PPP1R12B: variants seen among roughly 807,000 people sequenced by gnomAD.
PPP1R12B encodes the protein protein phosphatase 1 regulatory subunit 12B, also known as myosin phosphatase target subunit 2.
A neutral mutation model predicts 126.1 loss-of-function variants in PPP1R12B; 76 were observed. The observed-to-expected ratio is 0.60, with a 90% confidence interval of 0.50 to 0.73. PPP1R12B has a LOEUF of 0.73. Among genes scored for constraint, PPP1R12B ranks in the 30% least tolerant of loss-of-function variants. The probability of loss-of-function intolerance (pLI) is 0.00; values close to 1 mark genes in which losing one functional copy is unlikely to be tolerated. For missense variants in PPP1R12B, 1,052 were observed against 1,205.1 expected (o/e 0.87, Z 1.88); for synonymous variants, 356 against 434.7 (o/e 0.82, Z 2.25).
At chr1:202,468,675 T>C (rs1373754343) in intron 13 of PPP1R12B, among the ~76,000 whole-genome samples, 1 of 152,192 alleles carries the variant, frequency 6.6e-6, no homozygotes, top group East Asian at 1.9e-4. Flanking sequence ...AAGTGGTGGC[T>C]GGGCACGGTG....
chr1:202,387,876 GA>G (rs1228774498), intron 1 of PPP1R12B, among the ~76,000 whole-genome samples: 2 of 152,094 alleles, frequency 1.3e-5, no homozygotes, highest in African/African-American at 4.8e-5. Flanking sequence ...GCAAGTCTTT[GA>G]ATTGCCCTGT....
At chr1:202,528,066 GT>G (rs1683538175) in intron 18 of PPP1R12B, among the ~76,000 whole-genome samples, 1 of 152,128 alleles carries the variant, frequency 6.6e-6, no homozygotes, top group African/African-American at 2.4e-5. Context: ...GTAATGATGG[GT>G]TTTGGACACT....
intron 18 of PPP1R12B, chr1:202,502,270 C>T (rs1680315584): frequency 1.2e-5 from 12 of 983,894 alleles, no homozygotes; most frequent in Non-Finnish European, 1.4e-5. Flanking sequence ...CCTTAGATAA[C>T]TGGGGGTATG....
intron 13 of PPP1R12B, among the ~76,000 whole-genome samples, chr1:202,454,082 A>C (rs574376707): frequency 4.3e-4 from 65 of 152,336 alleles, no homozygotes; most frequent in African/African-American, 1.5e-3. Flanking sequence ...AGTTAAATTC[A>C]TCATTAAGAG....
At position 202,449,058 on chromosome 1, in the gene PPP1R12B, G is replaced by T; in HGVS notation, c.1737G>T (p.Pro579=). The T allele has an allele frequency of 6.2e-7, 1 of 1,613,768 alleles. No individual in the cohort carries two copies. The highest frequency in any genetic ancestry group is 8.5e-7 in the Non-Finnish European group (1 of 1,179,834). ...CAGACAATGTCTCTTCTAGCACCCCGCTCTGTGTGATCACCAATCGCCCTC... is the reference window on the plus strand; with the variant it reads ...CAGACAATGTCTCTTCTAGCACCCCTCTCTGTGTGATCACCAATCGCCCTC... ...KTADNVSSST[P]LCVITNRPLP... is the part of the protein sequence containing the mutation. The change falls in exon 13 of 24, where the codon CCG becomes CCT. Residue 579 remains proline (P), a synonymous_variant. Transcript: ENST00000608999.
At chr1:202,547,885 A>G (rs1418956196) in intron 18 of PPP1R12B, among the ~76,000 whole-genome samples, 4 of 152,242 alleles carry the variant, frequency 2.6e-5, no homozygotes, top group African/African-American at 4.8e-5. Context: ...GGGAGAGCCA[A>G]AAGACCAAAG....
intron 18 of PPP1R12B, among the ~76,000 whole-genome samples, chr1:202,510,868 ATATATAT>A (rs896595797): frequency 1.6e-4 from 24 of 147,282 alleles, no homozygotes; most frequent in South Asian, 6.3e-4. Context: ...AGGCAAGTAT[ATATATAT>A]TATATATTAT....
rs1391177162 is a variant in PPP1R12B at position 202,422,682 on chromosome 1, A to T, written c.485A>T (p.Asp162Val). 3.1e-6 allele frequency: 5 copies of T among 1,613,878 alleles called. No homozygotes were observed. The highest frequency in any genetic ancestry group is 2.2e-5 in the East Asian group (1 of 44,874). ...AATAGTGAAGGTGAAGTTCCCTCTG[A>T]CCTTGCAGAAGAGCCAGCCATGAAG... ...IVNSEGEVPS[D>V]LAEEPAMKDL... Residue 162 changes from aspartate (D) to valine (V), a missense_variant, in exon 3 of 24, where the codon GAC becomes GTC. Physicochemically the swap from Asp to Val is radical, Grantham distance 152 (BLOSUM62 -3). Transcript: ENST00000608999.
At chr1:202,571,753 G>T (rs1688633061) in intron 23 of PPP1R12B, among the ~76,000 whole-genome samples, 1 of 152,084 alleles carries the variant, frequency 6.6e-6, no homozygotes, top group African/African-American at 2.4e-5. Flanking sequence ...ATCGCGTCTG[G>T]CCAGGACTGA....
chr1:202,509,168 C>G (rs1052419024), intron 18 of PPP1R12B, among the ~76,000 whole-genome samples: 11 of 150,860 alleles, frequency 7.3e-5, no homozygotes, highest in African/African-American at 2.4e-4. Context: ...TTTCTCTCAT[C>G]CAAGCACTTC....
At chr1:202,379,570 G>C (rs1300391585) in intron 1 of PPP1R12B, among the ~76,000 whole-genome samples, 1 of 152,176 alleles carries the variant, frequency 6.6e-6, no homozygotes, top group Non-Finnish European at 1.5e-5. Context: ...AGTTGAGACT[G>C]TCATCTTTAT....
intron 18 of PPP1R12B, among the ~76,000 whole-genome samples, chr1:202,526,163 A>T (rs1481887627): frequency 2.6e-5 from 4 of 152,254 alleles, no homozygotes; most frequent in African/African-American, 9.6e-5. Flanking sequence ...AAATAGAAGC[A>T]TGTTAGATTC....
intron 18 of PPP1R12B, among the ~76,000 whole-genome samples, chr1:202,532,049 AC>A (rs1034054462): frequency 6.6e-6 from 1 of 152,198 alleles, no homozygotes; most frequent in African/African-American, 2.4e-5. Flanking sequence ...TATATGCTAA[AC>A]AAGGGGTGGA....
At chr1:202,350,196 C>A (rs925657448) in intron 1 of PPP1R12B, among the ~76,000 whole-genome samples, 1 of 152,200 alleles carries the variant, frequency 6.6e-6, no homozygotes, top group Non-Finnish European at 1.5e-5. Flanking sequence ...ATGTTTGCAA[C>A]CCTTCTATTT....
At chr1:202,577,498 C>T (rs898944161) in intron 23 of PPP1R12B, among the ~76,000 whole-genome samples, 2 of 151,992 alleles carry the variant, frequency 1.3e-5, no homozygotes, top group African/African-American at 2.4e-5. Context: ...AAAAGCTTGC[C>T]GATTCTTGCC....
intron 23 of PPP1R12B, among the ~76,000 whole-genome samples, chr1:202,572,872 C>T (rs1235046708): frequency 6.6e-6 from 1 of 152,188 alleles, no homozygotes; most frequent in Non-Finnish European, 1.5e-5. Context: ...TCCTCTCCTC[C>T]TTGCCTTGCC....
rs150672025 is a variant in PPP1R12B, at chr1:202,586,089, T to C, written c.*5529T>C. ...TTCCATTGAGCTCCCCCTCTGGATT[T>C]TGGACTTACCAGAAGTAGGAGGTTC... is the stretch of plus-strand genomic sequence containing the variant. On this transcript the variant is annotated 3_prime_UTR_variant, in exon 24 of 24. Coordinates refer to ENST00000608999, the MANE Select transcript of PPP1R12B (RefSeq NM_002481.4). 2 of 152,374 alleles carry C rather than the reference T, an allele frequency of 1.3e-5. No individual in the cohort carries two copies. The highest frequency in any genetic ancestry group is 2.9e-5 in the Non-Finnish European group (2 of 68,056). The allele number at this position is 152,374 out of a possible 1,614,324, so 9.4% of individuals were successfully genotyped here. A position where few individuals can be genotyped will look rare whatever the true frequency, so the allele number is the denominator to read the frequency against.
chr1:202,379,040 T>C (rs1243269940), intron 1 of PPP1R12B, among the ~76,000 whole-genome samples: 1 of 152,180 alleles, frequency 6.6e-6, no homozygotes, highest in Non-Finnish European at 1.5e-5. Flanking sequence ...TCCCTCATTA[T>C]GTACTAATGA....
At chr1:202,411,189 G>A (rs1313480195) in intron 1 of PPP1R12B, among the ~76,000 whole-genome samples, 1 of 148,698 alleles carries the variant, frequency 6.7e-6, no homozygotes, top group East Asian at 2.0e-4. Context: ...ATTCACTTGA[G>A]AAGATTTTCA....
Sources: gnomAD v4.1 joint callset for allele counts (sites outside exome capture counted in the v4.1 genomes callset) on GRCh38, gnomAD v4.1.1 for gene constraint, MANE v1.5 for transcripts, NCBI Gene and HGNC (gene_info 2026-07-23, HGNC 2026-07-21) for gene names.